The following SEMA6C variants were observed in gnomAD, a reference collection of about 807,000 sequenced individuals.
SEMA6C encodes the protein semaphorin-6C.
In SEMA6C, 37 loss-of-function variants were observed where a neutral mutation model predicts 72.9. The observed-to-expected ratio is 0.51, with a 90% CI of 0.39 to 0.67. SEMA6C has a LOEUF of 0.67. Among genes scored for constraint, SEMA6C ranks in the 30% least tolerant of loss-of-function variants. SEMA6C has a pLI of 0.00. For missense variants in SEMA6C, 1,189 were observed against 1,263.6 expected, an observed-to-expected ratio of 0.94 and a Z score of 0.89; for synonymous variants, 578 against 554.1, an observed-to-expected ratio of 1.04 and a Z score of -0.61.
Position 151,132,599 on chromosome 1 carries a change from C to A in SEMA6C, c.2678G>T (p.Arg893Leu), listed in dbSNP as rs1343778911. 1 of 1,551,348 alleles carries A rather than the reference C, an allele frequency of 6.4e-7. No homozygotes were observed. Among genetic ancestry groups the A allele is most frequent in the Non-Finnish European group, 8.7e-7 (1 of 1,147,270 alleles). The change falls in exon 19 of 19, where the codon CGG (arginine) becomes CTG (leucine). Residue 893 changes from arginine (R) to leucine (L), a missense_variant. Coordinates refer to ENST00000368914, the MANE Select transcript of SEMA6C (RefSeq NM_030913.6). ...GTCCACCCTTTTCAGGGCGCGGCCCCGGTAGCCCTCGGGCCGGCCCAGGTA... is the reference window on the plus strand; with the variant it reads ...GTCCACCCTTTTCAGGGCGCGGCCCAGGTAGCCCTCGGGCCGGCCCAGGTA... The part of the protein sequence containing the change: ...LLYLGRPEGY[R>L]GRALKRVDVE...
Position 151,140,117 on chromosome 1 carries a change from T to G in SEMA6C, c.119-27A>C, listed in dbSNP as rs755391488. ...TTGAGGACACAGAGAGATAGGATTCTGAGGATACCACAAACTTCCCCAACA... is the reference window on the plus strand; with the variant it reads ...TTGAGGACACAGAGAGATAGGATTCGGAGGATACCACAAACTTCCCCAACA... On this transcript the variant is annotated intron_variant, in intron 3 of 18. Coordinates refer to ENST00000368914, the MANE Select transcript of SEMA6C (RefSeq NM_030913.6). The G allele has an allele frequency of 6.2e-5, 99 of 1,589,570 alleles. 1 individual carries two copies. In the South Asian group the frequency reaches 9.6e-4, roughly 15 times the overall value.
rs1275084113 is a variant in SEMA6C at position 151,132,157 on chromosome 1, C to T, written c.*327G>A. The stretch of plus-strand genomic sequence containing the variant: ...GACTCTGGACACAGCGCGCGCGGCC[C>T]GCCCGGGGCACAGTCTCTGGGGGAG... On this transcript the variant is annotated 3_prime_UTR_variant, in exon 19 of 19. Coordinates refer to ENST00000368914, the MANE Select transcript of SEMA6C (RefSeq NM_030913.6). 2.2e-6 allele frequency: 3 copies of T among 1,373,052 alleles called. No individual in the cohort carries two copies. Among genetic ancestry groups the T allele is most frequent in the Non-Finnish European group, 2.9e-6 (3 of 1,047,810 alleles). The allele number at this position is 1,373,052 out of a possible 1,614,324, so 85.1% of individuals were successfully genotyped here. A position where few individuals can be genotyped will look rare whatever the true frequency, so the allele number is the denominator to read the frequency against.
chr1:151,136,478 G>C lies in SEMA6C; in HGVS notation c.1076C>G (p.Pro359Arg). The change falls in exon 12 of 19, where the codon CCT becomes CGT. Residue 359 changes from proline to arginine, a missense_variant. Transcript: ENST00000368914. ...EQRSLDGAWT[P>R]VSEDRVPSPR... Reference sequence around the variant, plus strand: ...TGAGGGAACTCTGTCCTCAGACACAGGAGTCCAGGCCCCATCCAGACTCCT... The same window carrying C: ...TGAGGGAACTCTGTCCTCAGACACACGAGTCCAGGCCCCATCCAGACTCCT... 1 of 1,614,016 alleles carries C rather than the reference G, an allele frequency of 6.2e-7. No individual in the cohort carries two copies. Among genetic ancestry groups the C allele is most frequent in the South Asian group, 1.1e-5 (1 of 91,082 alleles).
At position 151,142,582 on chromosome 1, in the gene SEMA6C, G is replaced by A. The variant is rs757341440; in HGVS notation, c.40C>T (p.Leu14=). The A allele has an allele frequency of 1.9e-6, 3 of 1,605,984 alleles. No homozygotes were observed. The South Asian group carries it at 3.3e-5, about 18-fold the overall frequency. ...GTATGGGGAAGTGAGAGCAGCAGCA[G>A]CAGTAGCAGCAAGGGCATGAAGTGG... ...APHFMPLLLL[L]LLLSLPHTQA... Residue 14 remains leucine (L), a synonymous_variant, in exon 3 of 19, where the codon CTG becomes TTG. Coordinates refer to ENST00000368914, the MANE Select transcript of SEMA6C (RefSeq NM_030913.6).
chr1:151,136,440 C>G lies in SEMA6C; in HGVS notation c.1106+8G>C. Reference sequence around the variant, plus strand: ...CTGCCCCCACAAAAACAACTCCATCCTGGGTACCTGGGTGAGGGAACTCTG... The same window carrying G: ...CTGCCCCCACAAAAACAACTCCATCGTGGGTACCTGGGTGAGGGAACTCTG... On this transcript the variant is annotated splice_region_variant and intron_variant, in intron 12 of 18. Transcript: ENST00000368914. 6.2e-7 allele frequency: 1 copy of G among 1,611,614 alleles called. No individual in the cohort carries two copies. Among genetic ancestry groups the G allele is most frequent in the Non-Finnish European group, 8.5e-7 (1 of 1,179,256 alleles).
At chr1:151,140,230 CT>C in intron 3 of SEMA6C, 140 bp from the exon 4 acceptor site, 2 of 683,612 alleles carry the variant, frequency 2.9e-6, no homozygotes, top group South Asian at 3.4e-5. Flanking sequence ...ACCAATAACA[CT>C]GAGTACTTAA....
At position 151,133,198 on chromosome 1, in the gene SEMA6C, C is replaced by T; in HGVS notation, c.2079G>A (p.Pro693=). The change falls in exon 19 of 19, where the codon CCG becomes CCA. Residue 693 remains proline, a synonymous_variant. Transcript: ENST00000368914. This position sits in a 1 kb window ranked among gnomAD's most constrained non-coding sequence, Gnocchi z 5.9. ...CGGGGGTGGGCAGGCAGGCCAGCTCCGGCGGGGGCACGCCCTCCGGAGGCG... is the reference window on the plus strand; with the variant it reads ...CGGGGGTGGGCAGGCAGGCCAGCTCTGGCGGGGGCACGCCCTCCGGAGGCG... ...FLPPPEGVPP[P]ELACLPTPES... The T allele has an allele frequency of 6.4e-7, 1 of 1,568,016 alleles. No individual in the cohort carries two copies. The highest frequency in any genetic ancestry group is 2.3e-5 in the East Asian group (1 of 43,610).
chr1:151,135,576 C>G lies in SEMA6C; in HGVS notation c.1433+15G>C. 1.2e-6 allele frequency: 2 copies of G among 1,605,452 alleles called. No individual in the cohort carries two copies. Among genetic ancestry groups the G allele is most frequent in the South Asian group, 1.1e-5 (1 of 89,746 alleles). On this transcript the variant is annotated intron_variant, in intron 14 of 18. Transcript: ENST00000368914. ...CTCCCTGCTTTGCAGGGGGCCTGCC[C>G]TCCAAAGGCCTCACCGGGCAGGGCT...
Position 151,145,616 on chromosome 1 carries a change from C to G in SEMA6C, c.-105+817G>C, listed in dbSNP as rs1682875055. On this transcript the variant is annotated intron_variant, in intron 1 of 18. Transcript: ENST00000368914. The surrounding 1 kb of genome is among the most constrained non-coding windows in gnomAD (Gnocchi z 4.4). ...GGAGGGGCCGGTAGCAGAGTCTGGG[C>G]CGGGACCGGGTCCCAGAGCCACGTT... 1 of 156,752 alleles carries G rather than the reference C, an allele frequency of 6.4e-6. No homozygotes were observed. The highest frequency in any genetic ancestry group is 1.4e-5 in the Non-Finnish European group (1 of 71,070). 9.7% of individuals were successfully genotyped at this position (156,752 alleles called of 1,614,324 possible). A position where few individuals can be genotyped will look rare whatever the true frequency, so the allele number is the denominator to read the frequency against.
At chr1:151,135,109 C>G in intron 15 of SEMA6C, 54 bp downstream of exon 15, 1 of 1,596,940 alleles carries the variant, frequency 6.3e-7, no homozygotes, top group East Asian at 2.2e-5. Context: ...TTTCTGTGCT[C>G]TTGCTGGCCC....
intron 11 of SEMA6C, 62 bp downstream of exon 11, chr1:151,136,795 G>A: frequency 1.3e-6 from 2 of 1,487,348 alleles, no homozygotes; most frequent in East Asian, 4.5e-5. Context: ...CTGTGAAAGG[G>A]GAGTTTGGAG....
rs1371941113 is a variant in SEMA6C at position 151,133,000 on chromosome 1, C to T, written c.2277G>A (p.Gly759=). ...CCAGGGTGGTGACTTCCACGGCCTG[C>T]CCGGGACAGCCGGGCGGCGGTGGCC... The part of the protein sequence containing the change: ...LVRPPPPGCP[G]QAVEVTTLEE... The change falls in exon 19 of 19, where the codon GGG becomes GGA. Residue 759 remains glycine (G), a synonymous_variant. Coordinates refer to ENST00000368914, the MANE Select transcript of SEMA6C (RefSeq NM_030913.6). 4 of 1,408,604 alleles carry T rather than the reference C, an allele frequency of 2.8e-6. No individual in the cohort carries two copies. The highest frequency in any genetic ancestry group is 1.5e-5 in the African/African-American group (1 of 65,068). 87.3% of individuals were successfully genotyped at this position (1,408,604 alleles called of 1,614,324 possible). A position where few individuals can be genotyped will look rare whatever the true frequency, so the allele number is the denominator to read the frequency against.
chr1:151,134,914 TA>T (rs2101617338), intron 15 of SEMA6C, 39 bp from the exon 16 acceptor site: 1 of 1,570,916 alleles, frequency 6.4e-7, no homozygotes, highest in East Asian at 2.2e-5. Flanking sequence ...GATCCCTTTC[TA>T]CTCCAGTCAC....
chr1:151,134,284 C>T (rs759502914), intron 18 of SEMA6C, 117 bp downstream of exon 18: 111 of 1,052,006 alleles, frequency 1.1e-4, no homozygotes, highest in Middle Eastern at 5.6e-4. Context: ...TGGAGGATGC[C>T]GACCCTTTTC....
At position 151,132,430 on chromosome 1, in the gene SEMA6C, C is replaced by T. The variant is rs587606174; in HGVS notation, c.*54G>A. The T allele has an allele frequency of 1.1e-5, 17 of 1,526,330 alleles. No homozygotes were observed. In the East Asian group the frequency reaches 1.7e-4, roughly 15 times the overall value. 94.5% of individuals were successfully genotyped at this position (1,526,330 alleles called of 1,614,324 possible). A position where few individuals can be genotyped will look rare whatever the true frequency, so the allele number is the denominator to read the frequency against. On this transcript the variant is annotated 3_prime_UTR_variant, in exon 19 of 19. Coordinates refer to ENST00000368914, the MANE Select transcript of SEMA6C (RefSeq NM_030913.6). The stretch of plus-strand genomic sequence containing the variant: ...GAAACGTCCTGAAGAGCGTCCAGCT[C>T]GTGGCCGAGAGGACTCGGGCGCTCC...
intron 12 of SEMA6C, 138 bp downstream of exon 12, chr1:151,136,310 A>G: frequency 6.8e-7 from 1 of 1,469,796 alleles, no homozygotes; most frequent in Non-Finnish European, 9.2e-7. Context: ...TCCCTGCCGC[A>G]GCTCTTCGGC....
intron 10 of SEMA6C, 73 bp downstream of exon 10, chr1:151,137,635 TCTC>T (rs1682155985): frequency 7.6e-6 from 9 of 1,186,972 alleles, no homozygotes; most frequent in Admixed American, 5.8e-5. Flanking sequence ...GGTCAGGAGA[TCTC>T]CTCCCACTCA....
At position 151,133,068 on chromosome 1, in the gene SEMA6C, C is replaced by A; in HGVS notation, c.2209G>T (p.Gly737Cys). The A allele has an allele frequency of 2.7e-6, 4 of 1,488,016 alleles. No individual in the cohort carries two copies. The highest frequency in any genetic ancestry group is 3.5e-6 in the Non-Finnish European group (4 of 1,131,300). 92.2% of individuals were successfully genotyped at this position (1,488,016 alleles called of 1,614,324 possible). ...GCGGGCCCGCCCGCCGCGTGCCCGC[C>A]CCGTGAGCGGCCCGGACCCTCCTTG... ...NAKEGPGRSR[G>C]GHAAGGPAPR... Residue 737 changes from glycine (G) to cysteine (C), a missense_variant, in exon 19 of 19, where the codon GGC (glycine) becomes TGC (cysteine). This residue lies in a region of SEMA6C where 721 missense variants were observed against 686.2 expected (regional missense o/e 1.05). Coordinates refer to ENST00000368914, the MANE Select transcript of SEMA6C (RefSeq NM_030913.6). This position sits in a 1 kb window ranked among gnomAD's most constrained non-coding sequence, Gnocchi z 5.9.
chr1:151,141,044 T>C (rs1414803131), intron 3 of SEMA6C, among the ~76,000 whole-genome samples: 1 of 151,808 alleles, frequency 6.6e-6, no homozygotes, highest in Admixed American at 6.6e-5. Flanking sequence ...TTCTAGCACA[T>C]AGGAGTGTTT....
Sources: allele counts gnomAD v4.1 joint callset (sites outside exome capture counted in the v4.1 genomes callset), GRCh38; gene constraint gnomAD v4.1.1; regional missense constraint gnomAD v4.1.1; non-coding constraint Gnocchi (gnomAD v3.1); transcripts MANE v1.5; gene names NCBI Gene and HGNC (gene_info 2026-07-23, HGNC 2026-07-21).